The following KMT2E variants were observed in gnomAD, a reference collection of about 807,000 sequenced individuals.
KMT2E encodes the protein histone reader KMT2E.
KMT2E carries 30 observed loss-of-function variants against 184.6 expected under a neutral mutation model. The ratio of observed to expected loss-of-function variants is 0.16; its 90% confidence interval spans 0.12 to 0.22. KMT2E has a LOEUF of 0.22. Ranked by LOEUF, KMT2E falls within the 10% of genes least tolerant of loss-of-function variation. The probability of loss-of-function intolerance (pLI) is 1.00; values close to 1 mark genes in which losing one functional copy is unlikely to be tolerated. For missense variants in KMT2E, 2,023 were observed against 2,237.4 expected (o/e 0.90, Z 1.93); for synonymous variants, 815 against 776.5 (o/e 1.05, Z -0.82).
rs1320034514 is a variant in KMT2E, at chr7:105,021,532, G to A, written c.-189+6997G>A. Among the ~76,000 whole-genome samples the A allele has an allele frequency of 2.4e-4, 37 of 152,152 alleles. 1 individual carries two copies. The highest frequency in any genetic ancestry group is 2.4e-3 in the Admixed American group (37 of 15,268). ...AAAGGATTTGTTATAAGGCTATAGG[G>A]AAATCTCACATAATTTATTTGAAGA... is the stretch of plus-strand genomic sequence containing the variant. On this transcript the variant is annotated intron_variant, in intron 1 of 26. Transcript: ENST00000311117.
Position 105,101,921 on chromosome 7 carries a change from C to T in KMT2E, c.1923C>T (p.Thr641=). Residue 641 remains threonine, a synonymous_variant, in exon 17 of 27, where the codon ACC becomes ACT. Coordinates refer to ENST00000311117, the MANE Select transcript of KMT2E (RefSeq NM_182931.3). ...QAKEENASKP[T]PAKVNRTKQR... is the part of the protein sequence containing the mutation. ...AAGAAGAAAATGCTAGCAAGCCAAC[C>T]CCTGCCAAAGTAAATAGAACTAAAC... 1 of 1,610,708 alleles carries T rather than the reference C, an allele frequency of 6.2e-7. No individual in the cohort carries two copies. Among genetic ancestry groups the T allele is most frequent in the Non-Finnish European group, 8.5e-7 (1 of 1,178,996 alleles).
intron 1 of KMT2E, among the ~76,000 whole-genome samples, chr7:105,029,164 G>A (rs150532525): frequency 6.6e-6 from 1 of 152,182 alleles, no homozygotes; most frequent in East Asian, 1.9e-4. Flanking sequence ...GTGGGAGGCT[G>A]AGTCAGAGGA....
chr7:105,036,148 T>TTTG (rs375275339), intron 1 of KMT2E, among the ~76,000 whole-genome samples: 42 of 151,788 alleles, frequency 2.8e-4, no homozygotes, highest in East Asian at 5.8e-4. Flanking sequence ...GGCAGGGTTT[T>TTTG]TTGTTGTTGT....
In KMT2E at chr7:105,110,844, T is replaced by G; in HGVS notation, c.4044T>G (p.Cys1348Trp). The G allele has an allele frequency of 6.2e-7, 1 of 1,613,800 alleles. No homozygotes were observed. Among genetic ancestry groups the G allele is most frequent in the South Asian group, 1.1e-5 (1 of 91,080 alleles). The change falls in exon 26 of 27, where the codon TGT becomes TGG. Residue 1348 changes from cysteine (C) to tryptophan (W), a missense_variant. Cys to Trp is a radical substitution (Grantham distance 215). Transcript: ENST00000311117. The part of the protein sequence containing the change: ...CPSPDTSQNT[C>W]KSPPKMSKPG... ...CCCCAGATACTTCTCAAAATACTTG[T>G]AAAAGTCCTCCAAAAATGAGCAAGG...
At chr7:105,087,226 TA>T (rs1798015236) in intron 13 of KMT2E, among the ~76,000 whole-genome samples, 1 of 146,410 alleles carries the variant, frequency 6.8e-6, no homozygotes, top group Non-Finnish European at 1.5e-5. Flanking sequence ...ATATATTATA[TA>T]AGCATATATA....
chr7:105,099,139 C>T (rs1465755542), intron 15 of KMT2E, among the ~76,000 whole-genome samples: 1 of 152,072 alleles, frequency 6.6e-6, no homozygotes, highest in Non-Finnish European at 1.5e-5. Context: ...AAATCAGGCA[C>T]GTTTATGTTC....
intron 3 of KMT2E, among the ~76,000 whole-genome samples, chr7:105,048,830 G>T (rs545634570): frequency 6.6e-6 from 1 of 152,328 alleles, no homozygotes; most frequent in South Asian, 2.1e-4. Flanking sequence ...AAGCAGGCTG[G>T]ATTTGACCCA....
intron 3 of KMT2E, among the ~76,000 whole-genome samples, chr7:105,043,979 T>A (rs961785822): frequency 3.3e-5 from 5 of 152,172 alleles, no homozygotes; most frequent in African/African-American, 9.7e-5. Flanking sequence ...ATGCCTGTAG[T>A]CCCAGCTACT....
At chr7:105,074,988 T>G (rs1797468118) in intron 8 of KMT2E, among the ~76,000 whole-genome samples, 173 bp downstream of exon 8, 1 of 152,206 alleles carries the variant, frequency 6.6e-6, no homozygotes. Flanking sequence ...TTTTAAAGAT[T>G]GAAGCAGATT....
rs570010322 is a variant in KMT2E, at chr7:105,063,216, G to T, written c.187-135G>T. ...GCTTCACCAAGTCATTTTTTTAATG[G>T]TATTAAGGAAGGAATGAGCCAGTCT... On this transcript the variant is annotated intron_variant, in intron 4 of 26. Transcript: ENST00000311117. 241 of 611,724 alleles carry T rather than the reference G, an allele frequency of 3.9e-4. 5 individuals carry two copies. The highest frequency in any genetic ancestry group is 3.3e-3 in the South Asian group (137 of 41,484). 37.9% of individuals were successfully genotyped at this position (611,724 alleles called of 1,614,324 possible). A position where few individuals can be genotyped will look rare whatever the true frequency, so the allele number is the denominator to read the frequency against.
chr7:105,059,792 A>T (rs1041019931), intron 3 of KMT2E, among the ~76,000 whole-genome samples: 2 of 152,072 alleles, frequency 1.3e-5, no homozygotes, highest in African/African-American at 4.8e-5. Flanking sequence ...ACATGGCAAT[A>T]TTAACATGAG....
chr7:105,053,162 C>T (rs941463119), intron 3 of KMT2E, among the ~76,000 whole-genome samples: 6 of 151,890 alleles, frequency 4.0e-5, no homozygotes, highest in Non-Finnish European at 2.9e-5. Flanking sequence ...TTGGTTAATA[C>T]CTGTTTTGGG....
chr7:105,096,467 G>A (rs933440270), intron 15 of KMT2E, among the ~76,000 whole-genome samples: 2 of 152,054 alleles, frequency 1.3e-5, no homozygotes, highest in African/African-American at 4.8e-5. Context: ...ATATTTAAAA[G>A]GACGGACATT....
chr7:105,089,673 A>T lies in KMT2E; in HGVS notation c.1359-336A>T, dbSNP rs933579273. 4.6e-5 allele frequency among the ~76,000 whole-genome samples: 7 copies of T among 152,294 alleles called. No homozygotes were observed. The South Asian group carries it at 1.4e-3, about 32-fold the overall frequency. On this transcript the variant is annotated intron_variant, in intron 13 of 26. Transcript: ENST00000311117. ...AATTTTGTGTTTAGACCTGAATCCC[A>T]TTCCCCAAGATATCTCATTATATAT...
At chr7:105,097,978 TAAAGAGTGCCATGAG>T (rs1482918415) in intron 15 of KMT2E, among the ~76,000 whole-genome samples, 2 of 152,060 alleles carry the variant, frequency 1.3e-5, no homozygotes, top group Non-Finnish European at 2.9e-5. Context: ...ATCAAAATAA[TAAAGAGTGCCATGAG>T]TATAAATTCC....
intron 1 of KMT2E, among the ~76,000 whole-genome samples, chr7:105,035,555 A>G (rs1443782320): frequency 2.7e-5 from 4 of 150,514 alleles, no homozygotes; most frequent in African/African-American, 9.8e-5. Flanking sequence ...GTTCCTTTAT[A>G]TTGCTGAGTA....
chr7:105,074,516 A>G, intron 7 of KMT2E, 127 bp from the exon 8 acceptor site: 1 of 613,370 alleles, frequency 1.6e-6, no homozygotes, highest in South Asian at 3.3e-5. Context: ...GAGGTGAGTG[A>G]ACAAGTTAAA....
At chr7:105,099,838 G>C (rs1798581032) in intron 15 of KMT2E, among the ~76,000 whole-genome samples, 1 of 152,130 alleles carries the variant, frequency 6.6e-6, no homozygotes, top group Non-Finnish European at 1.5e-5. Context: ...AGGTTCATCA[G>C]GTAAAGCGCA....
chr7:105,078,072 C>G (rs1022805508), intron 11 of KMT2E, among the ~76,000 whole-genome samples: 1 of 152,136 alleles, frequency 6.6e-6, no homozygotes, highest in Non-Finnish European at 1.5e-5. Flanking sequence ...CTACAATTAT[C>G]AAAAACATTT....
Sources: gnomAD v4.1 joint callset for allele counts (sites outside exome capture counted in the v4.1 genomes callset) on GRCh38, gnomAD v4.1.1 for gene constraint, MANE v1.5 for transcripts, NCBI Gene and HGNC (gene_info 2026-07-23, HGNC 2026-07-21) for gene names.